FHL1: variants seen among roughly 807,000 people sequenced by gnomAD.
FHL1 encodes four and a half LIM domains protein 1.
FHL1 carries 1 observed loss-of-function variant against 20.3 expected under a neutral mutation model. The observed-to-expected ratio is 0.05, with a 90% CI of 0.02 to 0.23. The LOEUF is 0.23. Among genes scored for constraint, FHL1 ranks in the 10% least tolerant of loss-of-function variants. FHL1 has a pLI of 1.00. For synonymous variants in FHL1, 82 were observed against 88.9 expected (o/e 0.92, Z 0.44); for missense variants, 177 against 234.0 (o/e 0.76, Z 1.59).
chrX:136,208,307 GATA>G (rs1173749681), intron 4 of FHL1, 145 bp from the exon 5 acceptor site: 2 of 632,599 alleles, frequency 3.2e-6, no homozygotes, highest in East Asian at 6.5e-5. Context: ...GTAAAGTGGG[GATA>G]ATAATAGCCC....
intron 2 of FHL1, among the ~76,000 whole-genome samples, chrX:136,186,133 T>C (rs2073280512): frequency 8.9e-6 from 1 of 112,151 alleles, no homozygotes; most frequent in South Asian, 3.7e-4. Context: ...CACTAATCCA[T>C]CATGGTGTGG....
At chrX:136,162,329 C>G (rs1180506742) in intron 1 of FHL1, among the ~76,000 whole-genome samples, 1 of 110,326 alleles carries the variant, frequency 9.1e-6, no homozygotes, top group Non-Finnish European at 1.9e-5. Context: ...TCTCCCCACT[C>G]TGGGTCTCAG....
At chrX:136,147,118 G>A (rs1197321990), upstream of FHL1, 4 of 228,843 alleles carry the variant, frequency 1.7e-5, no homozygotes, top group Admixed American at 2.2e-4. Context: ...ACTCCCGCAG[G>A]CCTCTAAGGA....
intron 5 of FHL1, among the ~76,000 whole-genome samples, chrX:136,208,905 A>G (rs1281931039): frequency 2.2e-5 from 2 of 90,264 alleles, no homozygotes; most frequent in Non-Finnish European, 4.2e-5. Flanking sequence ...ACCGGCAGGC[A>G]CTGCCACTTT....
chrX:136,173,192 G>A (rs988484643), intron 2 of FHL1, among the ~76,000 whole-genome samples: 3 of 112,754 alleles, frequency 2.7e-5, no homozygotes, highest in Non-Finnish European at 3.7e-5. Context: ...TAACACATAC[G>A]TGAACTGGGC....
At chrX:136,196,284 T>G (rs1417700674), upstream of FHL1, among the ~76,000 whole-genome samples, 1 of 112,068 alleles carries the variant, frequency 8.9e-6, no homozygotes, top group African/African-American at 3.2e-5. Context: ...TAGAACATGC[T>G]CCTAATAGCC....
rs1276780192 is a variant in FHL1, at chrX:136,211,276, C to G, written c.*1251C>G. 2 of 326,889 alleles carry G rather than the reference C, an allele frequency of 6.1e-6. No homozygotes were observed. Among genetic ancestry groups the G allele is most frequent in the South Asian group, 6.1e-5 (2 of 32,995 alleles). The allele number at this position is 326,889 out of a possible 1,213,427, so 26.9% of individuals were successfully genotyped here. A position where few individuals can be genotyped will look rare whatever the true frequency, so the allele number is the denominator to read the frequency against. ...GGAGTGGTTAGAGAAGCTGATGCCT[C>G]ATTTCTACATTCTGTCATTAGCTAT... On this transcript the variant is annotated 3_prime_UTR_variant, in exon 6 of 6. Coordinates refer to ENST00000370683, the MANE Select transcript of FHL1 (RefSeq NM_001159699.2).
chrX:136,167,634 G>A (rs1029508280), upstream of FHL1, among the ~76,000 whole-genome samples: 8 of 111,584 alleles, frequency 7.2e-5, no homozygotes, highest in Admixed American at 7.7e-4. Flanking sequence ...AATAGCCAGA[G>A]TCCCAGTCTG....
chrX:136,186,864 AAAT>A (rs1245127095), intron 2 of FHL1, among the ~76,000 whole-genome samples: 2 of 7,786 alleles, frequency 2.6e-4, no homozygotes, highest in African/African-American at 3.1e-4. Context: ...AAAAAAAAAA[AAAT>A]ATATATATAT....
intron 5 of FHL1, among the ~76,000 whole-genome samples, 190 bp from the exon 6 acceptor site, chrX:136,209,681 C>T (rs2073952885): frequency 9.1e-6 from 1 of 109,610 alleles, no homozygotes; most frequent in Non-Finnish European, 1.9e-5. Flanking sequence ...GGGACAATGG[C>T]GGCGTGGGGG....
intron 1 of FHL1, among the ~76,000 whole-genome samples, chrX:136,158,077 A>G (rs1189223761): frequency 8.9e-6 from 1 of 111,819 alleles, no homozygotes; most frequent in Non-Finnish European, 1.9e-5. Context: ...TCATTCATCC[A>G]TCCACCCATC....
intron 2 of FHL1, among the ~76,000 whole-genome samples, chrX:136,175,897 C>T (rs2072990551): frequency 8.9e-6 from 1 of 112,263 alleles, no homozygotes. Flanking sequence ...TGTTGAGAAT[C>T]TTCCACTTTT....
At chrX:136,199,809 C>T (rs1279197303) in intron 1 of FHL1, among the ~76,000 whole-genome samples, 1 of 112,091 alleles carries the variant, frequency 8.9e-6, no homozygotes, top group Non-Finnish European at 1.9e-5. Flanking sequence ...ATGATATTCA[C>T]ATTCTCCTTA....
At chrX:136,181,952 G>A (rs2073168107) in intron 2 of FHL1, among the ~76,000 whole-genome samples, 2 of 111,998 alleles carry the variant, frequency 1.8e-5, no homozygotes, top group Admixed American at 9.5e-5. Context: ...TACACTTGAA[G>A]TCTAGCTTTT....
rs940178400 is a variant in FHL1 at position 136,173,847 on chromosome X, C to T, written c.-27+3867C>T. Among the ~76,000 whole-genome samples the T allele has an allele frequency of 5.4e-5, 6 of 110,470 alleles. No individual in the cohort carries two copies. In the East Asian group the frequency reaches 8.6e-4, roughly 16 times the overall value. ...CCCAGTAGCTGGGACTATAGGTGCC[C>T]GCACCACGCCCGGCTAATTTTTTGT... On this transcript the variant is annotated intron_variant, in intron 2 of 6. Coordinates refer to the FHL1 transcript ENST00000394153.
At chrX:136,197,030 G>A, upstream of FHL1, 2 of 1,109,773 alleles carry the variant, frequency 1.8e-6, no homozygotes, top group East Asian at 3.0e-5. Flanking sequence ...TTAAATGTAT[G>A]TTCACAAATG....
At chrX:136,167,411 T>C (rs1443071855), upstream of FHL1, among the ~76,000 whole-genome samples, 1 of 109,902 alleles carries the variant, frequency 9.1e-6, no homozygotes, top group Non-Finnish European at 1.9e-5. Flanking sequence ...TTCATCATGT[T>C]GGCCAGGATG....
At chrX:136,191,163 C>T in intron 2 of FHL1, among the ~76,000 whole-genome samples, 1 of 111,854 alleles carries the variant, frequency 8.9e-6, no homozygotes, top group East Asian at 2.8e-4. Flanking sequence ...TGTCCTGGCA[C>T]AACAGAAGAG....
intron 1 of FHL1, among the ~76,000 whole-genome samples, chrX:136,158,273 T>TA (rs753455860): frequency 8.9e-6 from 1 of 112,323 alleles, no homozygotes; most frequent in Non-Finnish European, 1.9e-5. Flanking sequence ...CTCATTGATA[T>TA]ATTTAATTGA....
Sources: gnomAD v4.1 joint callset for allele counts (sites outside exome capture counted in the v4.1 genomes callset) on GRCh38, gnomAD v4.1.1 for gene constraint, MANE v1.5 for transcripts, NCBI Gene and HGNC (gene_info 2026-07-23, HGNC 2026-07-21) for gene names.